The following DLEU7 variants were observed in gnomAD, a reference collection of about 807,000 sequenced individuals.
DLEU7 encodes the protein deleted in lymphocytic leukemia 7.
A neutral mutation model predicts 16.0 loss-of-function variants in DLEU7; 17 were observed. That is an observed-to-expected ratio of 1.06 (90% confidence interval 0.73 to 1.59). DLEU7 has a LOEUF of 1.59. Among genes scored for constraint, DLEU7 ranks in the 40% most tolerant of loss-of-function variants. The pLI is 0.00. For missense variants in DLEU7, 308 were observed against 314.9 expected, an observed-to-expected ratio of 0.98 and a Z score of 0.17; for synonymous variants, 113 against 139.8, an observed-to-expected ratio of 0.81 and a Z score of 1.35.
intron 1 of DLEU7, among the ~76,000 whole-genome samples, chr13:50,837,985 G>A (rs8000318): frequency 0.56 from 85,080 of 151,916 alleles, 23,972 homozygotes; most frequent in African/African-American, 0.62. Context: ...AAGGGTCAGC[G>A]GAAAGGGGGC....
At chr13:50,800,735 C>T (rs953321958) in intron 1 of DLEU7, among the ~76,000 whole-genome samples, 2 of 152,112 alleles carry the variant, frequency 1.3e-5, no homozygotes, top group Non-Finnish European at 2.9e-5. Context: ...CTGCTTGGTG[C>T]TTTATACCCT....
intron 1 of DLEU7, among the ~76,000 whole-genome samples, chr13:50,729,057 CAT>C (rs147993413): frequency 0.047 from 7,096 of 152,154 alleles, 197 homozygotes; most frequent in Non-Finnish European, 0.059. Context: ...TTCAGAGAGA[CAT>C]GTGCAGGTTT....
intron 1 of DLEU7, among the ~76,000 whole-genome samples, chr13:50,714,104 A>T (rs1263901014): frequency 6.6e-6 from 1 of 152,250 alleles, no homozygotes; most frequent in Non-Finnish European, 1.5e-5. Flanking sequence ...CAAGCTATGT[A>T]GTCTCAGTTT....
At chr13:50,759,493 G>C (rs1365971768) in intron 1 of DLEU7, among the ~76,000 whole-genome samples, 3 of 135,206 alleles carry the variant, frequency 2.2e-5, no homozygotes, top group African/African-American at 9.1e-5. Flanking sequence ...AAATGAATAA[G>C]TTTTGGGAGT....
intron 1 of DLEU7, among the ~76,000 whole-genome samples, chr13:50,756,641 C>T (rs1194143093): frequency 6.6e-6 from 1 of 152,206 alleles, no homozygotes; most frequent in Non-Finnish European, 1.5e-5. Context: ...AGGCTACCTG[C>T]CTCCCAGCTG....
intron 1 of DLEU7, among the ~76,000 whole-genome samples, chr13:50,764,744 T>C (rs7334008): frequency 0.098 from 14,983 of 152,174 alleles, 1,465 homozygotes; most frequent in East Asian, 0.28. Context: ...CCCTTGAGTG[T>C]TCACTCCATC....
chr13:50,780,725 G>A (rs1363769224), intron 1 of DLEU7, among the ~76,000 whole-genome samples: 8 of 152,140 alleles, frequency 5.3e-5, no homozygotes, highest in African/African-American at 1.7e-4. Flanking sequence ...CCACAGAAAC[G>A]AGGTACGGCA....
chr13:50,734,582 T>C (rs1874012121), intron 1 of DLEU7, among the ~76,000 whole-genome samples: 1 of 152,146 alleles, frequency 6.6e-6, no homozygotes, highest in South Asian at 2.1e-4. Context: ...AAAGGGAATA[T>C]TAACATTTAG....
At chr13:50,829,385 G>A (rs1877190300) in intron 1 of DLEU7, among the ~76,000 whole-genome samples, 2 of 152,138 alleles carry the variant, frequency 1.3e-5, no homozygotes, top group African/African-American at 4.8e-5. Flanking sequence ...ACATGCAAGG[G>A]GAAATTCAAA....
chr13:50,748,073 T>A (rs1228255548), intron 1 of DLEU7, among the ~76,000 whole-genome samples: 1 of 152,190 alleles, frequency 6.6e-6, no homozygotes, highest in Non-Finnish European at 1.5e-5. Context: ...TGTGTTTCAT[T>A]AAACAGAAAT....
chr13:50,794,186 A>AG (rs1876045480), intron 1 of DLEU7, among the ~76,000 whole-genome samples: 1 of 152,180 alleles, frequency 6.6e-6, no homozygotes, highest in African/African-American at 2.4e-5. Flanking sequence ...ACTGTATCCT[A>AG]GCTCAACGAT....
At chr13:50,751,176 C>T (rs1327409634) in intron 1 of DLEU7, among the ~76,000 whole-genome samples, 1 of 152,122 alleles carries the variant, frequency 6.6e-6, no homozygotes, top group Non-Finnish European at 1.5e-5. Context: ...TTTTCCACGT[C>T]TATTGAGATA....
chr13:50,796,615 GC>G, intron 1 of DLEU7, among the ~76,000 whole-genome samples: 1 of 152,180 alleles, frequency 6.6e-6, no homozygotes, highest in Non-Finnish European at 1.5e-5. Flanking sequence ...AGTGGGAACT[GC>G]TATAGTCCAA....
rs1873344073 is a variant in DLEU7, at chr13:50,713,149, C to T, written c.*68G>A. On this transcript the variant is annotated 3_prime_UTR_variant, in exon 2 of 2. Coordinates refer to the DLEU7 transcript ENST00000400393. Reference sequence around the variant, plus strand: ...ATCCCATCTCATCCCATCTGGCATTCAGAATTTGGCACTGGTTATTGAAAT... The same window carrying T: ...ATCCCATCTCATCCCATCTGGCATTTAGAATTTGGCACTGGTTATTGAAAT... 1.9e-6 allele frequency: 3 copies of T among 1,574,678 alleles called. No homozygotes were observed. The African/African-American group carries it at 4.0e-5, about 21-fold the overall frequency.
At chr13:50,765,117 A>G (rs746407036) in intron 1 of DLEU7, among the ~76,000 whole-genome samples, 5 of 152,154 alleles carry the variant, frequency 3.3e-5, no homozygotes, top group Non-Finnish European at 5.9e-5. Flanking sequence ...TCCTGACCTC[A>G]GGTGATCCAC....
intron 1 of DLEU7, among the ~76,000 whole-genome samples, chr13:50,716,846 G>A (rs1015575595): frequency 9.9e-5 from 15 of 152,206 alleles, no homozygotes; most frequent in African/African-American, 3.4e-4. Context: ...TTTTTTGAAA[G>A]ACACATCAAA....
intron 1 of DLEU7, among the ~76,000 whole-genome samples, chr13:50,788,784 A>C (rs771426422): frequency 6.6e-6 from 1 of 152,338 alleles, no homozygotes; most frequent in South Asian, 2.1e-4. Flanking sequence ...TTAAGACTTC[A>C]TCATAACAGT....
intron 1 of DLEU7, among the ~76,000 whole-genome samples, chr13:50,755,343 T>G (rs1348565718): frequency 6.6e-6 from 1 of 152,212 alleles, no homozygotes; most frequent in Non-Finnish European, 1.5e-5. Context: ...TAGGTTTGGT[T>G]GTTTAACATA....
At chr13:50,820,149 G>T (rs1211923482), downstream of DLEU7, among the ~76,000 whole-genome samples, 1 of 152,154 alleles carries the variant, frequency 6.6e-6, no homozygotes, top group African/African-American at 2.4e-5. Context: ...TTATCAGTGA[G>T]ACAGTCATCA....
Sources: gnomAD v4.1 joint callset for allele counts (sites outside exome capture counted in the v4.1 genomes callset) on GRCh38, gnomAD v4.1.1 for gene constraint, MANE v1.5 for transcripts, NCBI Gene and HGNC (gene_info 2026-07-23, HGNC 2026-07-21) for gene names.